Variants in C12orf42 observed in about 807,000 individuals in gnomAD.
C12orf42 encodes the protein chromosome 12 open reading frame 42, also known as uncharacterized protein C12orf42.
In C12orf42, 25 loss-of-function variants were observed where a neutral mutation model predicts 21.6. The ratio of observed to expected loss-of-function variants is 1.16; its 90% confidence interval spans 0.84 to 1.62. The LOEUF (loss-of-function observed/expected upper bound fraction) is 1.62. Ranked by LOEUF, C12orf42 falls within the 40% of genes most tolerant of loss-of-function variation. The probability of loss-of-function intolerance (pLI) is 0.00; values close to 1 mark genes in which losing one functional copy is unlikely to be tolerated. For missense variants in C12orf42, 483 were observed against 459.3 expected, an observed-to-expected ratio of 1.05 and a Z score of -0.47; for synonymous variants, 174 against 175.0, an observed-to-expected ratio of 0.99 and a Z score of 0.05.
the C12orf42 span, among the ~76,000 whole-genome samples, chr12:103,175,111 C>T: frequency 6.6e-6 from 1 of 152,074 alleles, no homozygotes; most frequent in African/African-American, 2.4e-5. Context: ...ATATTGTCTC[C>T]TAATAGGTAA....
the C12orf42 span, chr12:103,164,385 T>C: frequency 2.2e-6 from 1 of 455,906 alleles, no homozygotes; most frequent in Non-Finnish European, 4.4e-6. Flanking sequence ...TATGACTCTT[T>C]CTTCTTCTTG....
chr12:103,214,181 T>A, the C12orf42 span, among the ~76,000 whole-genome samples: 1 of 152,234 alleles, frequency 6.6e-6, no homozygotes, highest in Non-Finnish European at 1.5e-5. Flanking sequence ...ATAATTACAC[T>A]ATAGCTTCCA....
the C12orf42 span, among the ~76,000 whole-genome samples, chr12:103,091,353 C>T: frequency 1.6e-4 from 25 of 151,634 alleles, no homozygotes; most frequent in African/African-American, 6.0e-4. Context: ...AGGTTTACTC[C>T]TCTGTGAAGT....
chr12:103,164,030 T>C, the C12orf42 span, among the ~76,000 whole-genome samples: 1 of 152,212 alleles, frequency 6.6e-6, no homozygotes, highest in African/African-American at 2.4e-5. Flanking sequence ...CAGGTCATGA[T>C]GCAATGATCA....
At chr12:103,397,569 C>A (rs943486717) in intron 3 of C12orf42, 14 of 152,324 alleles carry the variant, frequency 9.2e-5, no homozygotes, top group Admixed American at 6.5e-4. Context: ...ATCCAGAAAC[C>A]ATCTCCTCCA....
At position 103,359,160 on chromosome 12, in the gene C12orf42, T is replaced by C. The variant is rs541036640; in HGVS notation, c.259+9727A>G. On this transcript the variant is annotated intron_variant, in intron 4 of 5. Transcript: ENST00000548883. ...CTTAAATGGCCCCAATCCTCTTCAA[T>C]CTTGGGTTATTCTCATTCAATAATC... 2.0e-5 allele frequency among the ~76,000 whole-genome samples: 3 copies of C among 152,216 alleles called. No homozygotes were observed. The South Asian group carries it at 6.2e-4, about 32-fold the overall frequency.
intron 4 of C12orf42, among the ~76,000 whole-genome samples, chr12:103,288,320 A>G (rs1261400446): frequency 5.3e-5 from 8 of 152,162 alleles, no homozygotes; most frequent in Non-Finnish European, 1.0e-4. Flanking sequence ...TTTCATAACG[A>G]GAATTCAGTG....
chr12:103,474,519 A>G (rs1210351729), intron 2 of C12orf42, among the ~76,000 whole-genome samples: 1 of 152,008 alleles, frequency 6.6e-6, no homozygotes, highest in African/African-American at 2.4e-5. Context: ...TAATTCATCA[A>G]AAATCCATGT....
the C12orf42 span, among the ~76,000 whole-genome samples, chr12:103,053,020 C>T: frequency 6.6e-6 from 1 of 151,930 alleles, no homozygotes; most frequent in Non-Finnish European, 1.5e-5. Flanking sequence ...TTTGCCGATG[C>T]CACAATATCT....
the C12orf42 span, among the ~76,000 whole-genome samples, chr12:103,096,512 T>G: frequency 4.6e-5 from 7 of 152,324 alleles, no homozygotes; most frequent in East Asian, 5.8e-4. Context: ...ACCTCTGGCC[T>G]TGACTTACTA....
intron 2 of C12orf42, among the ~76,000 whole-genome samples, chr12:103,403,367 C>G (rs1477930292): frequency 6.9e-6 from 1 of 144,986 alleles, no homozygotes; most frequent in East Asian, 2.1e-4. Context: ...CAGAGCGAGA[C>G]TCCGTCTCAA....
chr12:103,554,239 G>A, the C12orf42 span, among the ~76,000 whole-genome samples: 7 of 152,048 alleles, frequency 4.6e-5, no homozygotes, highest in African/African-American at 1.7e-4. Flanking sequence ...TCCTACCCCA[G>A]ATATAAATGA....
At chr12:103,247,481 C>T (rs1355358889) in intron 10 of C12orf42, among the ~76,000 whole-genome samples, 2 of 151,948 alleles carry the variant, frequency 1.3e-5, no homozygotes, top group Admixed American at 6.6e-5. Flanking sequence ...CAAAAAGTAA[C>T]TATTCATCAT....
At chr12:103,455,608 T>TC (rs1357993782) in intron 2 of C12orf42, among the ~76,000 whole-genome samples, 3 of 152,140 alleles carry the variant, frequency 2.0e-5, no homozygotes, top group Non-Finnish European at 4.4e-5. Flanking sequence ...TACCACAAGA[T>TC]CCCTGGGGGT....
the C12orf42 span, among the ~76,000 whole-genome samples, chr12:103,066,449 G>A: frequency 1.3e-5 from 2 of 152,304 alleles, no homozygotes; most frequent in South Asian, 4.1e-4. Context: ...CCTATGATCA[G>A]TTGACAGAGG....
At chr12:103,404,970 C>T (rs1388207460) in intron 2 of C12orf42, among the ~76,000 whole-genome samples, 1 of 152,210 alleles carries the variant, frequency 6.6e-6, no homozygotes, top group African/African-American at 2.4e-5. Flanking sequence ...AGAGTAAAAA[C>T]TGAATCCGCC....
the C12orf42 span, among the ~76,000 whole-genome samples, chr12:103,532,495 C>T: frequency 6.6e-6 from 1 of 151,806 alleles, no homozygotes; most frequent in African/African-American, 2.4e-5. Context: ...GTATTTAAAA[C>T]ATTTTATACA....
chr12:103,537,215 A>T, the C12orf42 span, among the ~76,000 whole-genome samples: 1 of 152,210 alleles, frequency 6.6e-6, no homozygotes, highest in Non-Finnish European at 1.5e-5. Flanking sequence ...CAGAAGAGAA[A>T]GAAATAGAAT....
At chr12:103,299,203 CATTATT>C (rs2037498165), downstream of C12orf42, among the ~76,000 whole-genome samples, 1 of 151,784 alleles carries the variant, frequency 6.6e-6, no homozygotes, top group African/African-American at 2.4e-5. Flanking sequence ...GTATGTGTAT[CATTATT>C]ATCATTAAAG....
Sources: allele counts gnomAD v4.1 joint callset (sites outside exome capture counted in the v4.1 genomes callset), GRCh38; gene constraint gnomAD v4.1.1; transcripts MANE v1.5; gene names NCBI Gene and HGNC (gene_info 2026-07-23, HGNC 2026-07-21).